Variants in LRP1B observed in about 807,000 individuals in gnomAD.
The protein encoded by LRP1B is LDL receptor related protein 1B, also known as low-density lipoprotein receptor-related protein 1B.
In LRP1B, 217 loss-of-function variants were observed where a neutral mutation model predicts 556.6. The observed-to-expected ratio is 0.39, with a 90% CI of 0.35 to 0.44. LRP1B has a LOEUF of 0.44. Ranked by LOEUF, LRP1B falls within the 20% of genes least tolerant of loss-of-function variation. LRP1B has a pLI of 1.00. For synonymous variants in LRP1B, 2,047 were observed against 1,865.8 expected, an observed-to-expected ratio of 1.10 and a Z score of -2.50; for missense variants, 5,053 against 5,620.8, an observed-to-expected ratio of 0.90 and a Z score of 3.23.
At chr2:140,598,098 TCAAGGGATAG>T in intron 43 of LRP1B, among the ~76,000 whole-genome samples, 1 of 152,260 alleles carries the variant, frequency 6.6e-6, no homozygotes, top group East Asian at 1.9e-4. Flanking sequence ...GTAAGTGCTC[TCAAGGGATAG>T]CATAGCAACT....
At chr2:141,825,498 GAC>G (rs1696893000) in intron 1 of LRP1B, among the ~76,000 whole-genome samples, 1 of 152,290 alleles carries the variant, frequency 6.6e-6, no homozygotes, top group South Asian at 2.1e-4. Flanking sequence ...AAGATAGTGA[GAC>G]AGTGATTTTC....
intron 41 of LRP1B, among the ~76,000 whole-genome samples, chr2:140,616,171 C>T (rs1212053327): frequency 6.6e-6 from 1 of 151,586 alleles, no homozygotes; most frequent in African/African-American, 2.4e-5. Context: ...GCTATTTTTT[C>T]CCTGTAGTTA....
rs1700950756 is a variant in LRP1B, at chr2:141,118,078, CA to C, written c.1014-55806del. Reference sequence around the variant, plus strand: ...TTCTTGATTAAAACTTTGTACCAAACAAATGCATTAATTACTATACATGGAA... The same window carrying C: ...TTCTTGATTAAAACTTTGTACCAAACAATGCATTAATTACTATACATGGAA... On this transcript the variant is annotated intron_variant, in intron 7 of 90. Transcript: ENST00000389484. Among the ~76,000 whole-genome samples the C allele has an allele frequency of 2.0e-5, 3 of 151,970 alleles. No homozygotes were observed. In the South Asian group the frequency reaches 6.2e-4, roughly 31 times the overall value.
intron 86 of LRP1B, among the ~76,000 whole-genome samples, chr2:140,263,279 G>GA (rs1376094878): frequency 3.3e-5 from 5 of 152,052 alleles, no homozygotes; most frequent in Admixed American, 6.6e-5. Context: ...TGCATCTGGT[G>GA]ATGCATCAAA....
At chr2:141,841,589 G>C (rs775256690) in intron 1 of LRP1B, among the ~76,000 whole-genome samples, 6 of 152,106 alleles carry the variant, frequency 3.9e-5, no homozygotes, top group Non-Finnish European at 8.8e-5. Context: ...TCCAGATACT[G>C]TTTGTTTTGT....
At chr2:142,118,669 G>A (rs1707356014) in intron 1 of LRP1B, among the ~76,000 whole-genome samples, 1 of 152,220 alleles carries the variant, frequency 6.6e-6, no homozygotes, top group African/African-American at 2.4e-5. Flanking sequence ...CAGTCAGGGG[G>A]CATAAATCAT....
chr2:141,305,754 G>A (rs1686564327), intron 3 of LRP1B, among the ~76,000 whole-genome samples: 1 of 152,142 alleles, frequency 6.6e-6, no homozygotes, highest in African/African-American at 2.4e-5. Flanking sequence ...TTATGTTGAT[G>A]TATGTTCCTT....
At chr2:141,995,856 T>C (rs1035505635) in intron 1 of LRP1B, among the ~76,000 whole-genome samples, 1 of 152,156 alleles carries the variant, frequency 6.6e-6, no homozygotes, top group Non-Finnish European at 1.5e-5. Flanking sequence ...AAATTTTCTG[T>C]TGGGGAAATT....
chr2:141,034,077 C>A (rs1698457802), intron 11 of LRP1B, among the ~76,000 whole-genome samples: 1 of 151,864 alleles, frequency 6.6e-6, no homozygotes, highest in African/African-American at 2.4e-5. Context: ...TGCCTTAAGG[C>A]CTTTAAAAAA....
chr2:140,569,815 T>G (rs377252269), intron 43 of LRP1B, among the ~76,000 whole-genome samples: 19 of 151,866 alleles, frequency 1.3e-4, no homozygotes, highest in African/African-American at 4.6e-4. Flanking sequence ...TTTCATCAAA[T>G]TTTTTAAAAA....
At chr2:141,303,886 T>A (rs1346336341) in intron 3 of LRP1B, among the ~76,000 whole-genome samples, 2 of 152,196 alleles carry the variant, frequency 1.3e-5, no homozygotes, top group African/African-American at 4.8e-5. Flanking sequence ...ACCAACAATG[T>A]ATGAGTTTTC....
chr2:141,108,082 G>A (rs927962944), intron 7 of LRP1B, among the ~76,000 whole-genome samples: 1 of 152,042 alleles, frequency 6.6e-6, no homozygotes, highest in Non-Finnish European at 1.5e-5. Flanking sequence ...CTATGCCTCA[G>A]AAAGCTAGCA....
At chr2:141,297,648 C>T (rs1307077871) in intron 3 of LRP1B, among the ~76,000 whole-genome samples, 2 of 152,080 alleles carry the variant, frequency 1.3e-5, no homozygotes, top group African/African-American at 2.4e-5. Flanking sequence ...TGACCTTTTT[C>T]AGTTACAAAA....
chr2:141,384,990 C>A (rs1278088684), intron 3 of LRP1B, among the ~76,000 whole-genome samples: 1 of 152,136 alleles, frequency 6.6e-6, no homozygotes, highest in Non-Finnish European at 1.5e-5. Context: ...TCCCCTGGAC[C>A]CGCCTTTTAA....
At chr2:140,397,554 G>A (rs1684308075) in intron 66 of LRP1B, among the ~76,000 whole-genome samples, 1 of 152,062 alleles carries the variant, frequency 6.6e-6, no homozygotes, top group Non-Finnish European at 1.5e-5. Flanking sequence ...ACAGGGGCAA[G>A]CTCCATGGCG....
At chr2:141,911,521 A>G (rs996942857) in intron 1 of LRP1B, among the ~76,000 whole-genome samples, 2 of 152,162 alleles carry the variant, frequency 1.3e-5, no homozygotes, top group African/African-American at 4.8e-5. Flanking sequence ...TTTTGAAAAA[A>G]TATATCCCAA....
At chr2:140,545,228 C>A (rs2105030809) in intron 43 of LRP1B, among the ~76,000 whole-genome samples, 1 of 149,906 alleles carries the variant, frequency 6.7e-6, no homozygotes, top group East Asian at 2.0e-4. Flanking sequence ...TTCTTCCATT[C>A]TGTAGGTGGT....
chr2:141,062,839 C>T (rs1308493260), intron 7 of LRP1B, among the ~76,000 whole-genome samples: 2 of 151,776 alleles, frequency 1.3e-5, no homozygotes, highest in Admixed American at 6.6e-5. Context: ...AAACTTATCC[C>T]AAATTCTCCC....
At chr2:140,952,843 A>C (rs1695759283) in intron 18 of LRP1B, among the ~76,000 whole-genome samples, 1 of 152,168 alleles carries the variant, frequency 6.6e-6, no homozygotes, top group Non-Finnish European at 1.5e-5. Context: ...GTCCCAGGAG[A>C]AAGTTTTATT....
Sources: allele counts gnomAD v4.1 joint callset (sites outside exome capture counted in the v4.1 genomes callset), GRCh38; gene constraint gnomAD v4.1.1; transcripts MANE v1.5; gene names NCBI Gene and HGNC (gene_info 2026-07-23, HGNC 2026-07-21).